PPP6R3: variants seen among roughly 807,000 people sequenced by gnomAD.
The protein encoded by PPP6R3 is serine/threonine-protein phosphatase 6 regulatory subunit 3.
In PPP6R3, 38 loss-of-function variants were observed where a neutral mutation model predicts 110.7. The ratio of observed to expected loss-of-function variants is 0.34; its 90% CI spans 0.26 to 0.45. The LOEUF is 0.45. Ranked by LOEUF, PPP6R3 falls within the 20% of genes least tolerant of loss-of-function variation. The pLI is 1.00. For missense variants in PPP6R3, 870 were observed against 1,062.4 expected (o/e 0.82, Z 2.52); for synonymous variants, 369 against 373.5 (o/e 0.99, Z 0.14).
Position 68,613,159 on chromosome 11 carries a change from C to G in PPP6R3, c.*42C>G. 1 of 1,612,456 alleles carries G rather than the reference C, an allele frequency of 6.2e-7. No individual in the cohort carries two copies. The highest frequency in any genetic ancestry group is 8.5e-7 in the Non-Finnish European group (1 of 1,179,422). On this transcript the variant is annotated 3_prime_UTR_variant, in exon 24 of 24. Transcript: ENST00000393800. ...CTGCTGACTGAGGACTGCAGACCGC[C>G]ACCACTCAGGGGCTCTGGAGGGGTC... is the stretch of plus-strand genomic sequence containing the variant.
rs535702050 is a variant in PPP6R3 at position 68,552,149 on chromosome 11, A to C, written c.618+963A>C. ...CGTATAAAATTGGCAGTAGTCATCC[A>C]TTTTTACCTACAGACATGATAGTTC... is the stretch of plus-strand genomic sequence containing the variant. On this transcript the variant is annotated intron_variant, in intron 6 of 23. Coordinates refer to ENST00000393800, the MANE Select transcript of PPP6R3 (RefSeq NM_001164161.2). Among the ~76,000 whole-genome samples, 5 of 151,774 alleles carry C rather than the reference A, an allele frequency of 3.3e-5. No individual in the cohort carries two copies. The South Asian group carries it at 1.0e-3, about 31-fold the overall frequency.
intron 1 of PPP6R3, among the ~76,000 whole-genome samples, chr11:68,498,493 C>T (rs1252567663): frequency 1.3e-5 from 2 of 152,220 alleles, no homozygotes; most frequent in Non-Finnish European, 2.9e-5. Context: ...CATCACATGT[C>T]TCCTTGTGTC....
intron 19 of PPP6R3, among the ~76,000 whole-genome samples, chr11:68,597,262 A>G (rs540491266): frequency 1.0e-3 from 156 of 152,300 alleles, no homozygotes; most frequent in African/African-American, 3.6e-3. Flanking sequence ...TTGTAGAGGC[A>G]GGTGGGTATG....
intron 12 of PPP6R3, among the ~76,000 whole-genome samples, chr11:68,571,972 C>G (rs1353500446): frequency 6.6e-6 from 1 of 151,998 alleles, no homozygotes; most frequent in Non-Finnish European, 1.5e-5. Flanking sequence ...TCCAGGAAAG[C>G]TAGATGACTC....
intron 1 of PPP6R3, among the ~76,000 whole-genome samples, chr11:68,481,961 G>A (rs1313467396): frequency 6.6e-6 from 1 of 152,102 alleles, no homozygotes; most frequent in Non-Finnish European, 1.5e-5. Context: ...TAGGAAGAGG[G>A]TCATTAAGGT....
At chr11:68,488,319 C>T (rs901567891) in intron 1 of PPP6R3, among the ~76,000 whole-genome samples, 1 of 152,018 alleles carries the variant, frequency 6.6e-6, no homozygotes, top group African/African-American at 2.4e-5. Context: ...AAGTGTGTGC[C>T]ACCACACCCA....
chr11:68,519,808 G>A (rs1381081287), intron 2 of PPP6R3, among the ~76,000 whole-genome samples, 157 bp downstream of exon 2: 2 of 152,136 alleles, frequency 1.3e-5, no homozygotes, highest in Non-Finnish European at 2.9e-5. Context: ...GTATTTTTAG[G>A]AAGTTAAATG....
chr11:68,511,789 G>A (rs2099112045), intron 1 of PPP6R3, among the ~76,000 whole-genome samples: 1 of 151,948 alleles, frequency 6.6e-6, no homozygotes. Context: ...CCGTGTGTGT[G>A]TGTGTGTGTG....
At chr11:68,523,985 G>A (rs965972024) in intron 2 of PPP6R3, among the ~76,000 whole-genome samples, 3 of 151,948 alleles carry the variant, frequency 2.0e-5, no homozygotes, top group African/African-American at 7.3e-5. Flanking sequence ...TTTTCTTACT[G>A]GAGCTCCATG....
chr11:68,490,417 T>C (rs1046577246), intron 1 of PPP6R3, among the ~76,000 whole-genome samples: 5 of 152,070 alleles, frequency 3.3e-5, no homozygotes, highest in African/African-American at 9.7e-5. Context: ...TGTTTTTTTT[T>C]GGTGGGGGGT....
At chr11:68,526,616 T>C (rs1467082383) in intron 2 of PPP6R3, among the ~76,000 whole-genome samples, 2 of 152,198 alleles carry the variant, frequency 1.3e-5, no homozygotes, top group Non-Finnish European at 2.9e-5. Context: ...CACGTGCATC[T>C]GGAACCAGCT....
chr11:68,488,662 C>T (rs1003140903), intron 1 of PPP6R3: 2 of 152,624 alleles, frequency 1.3e-5, no homozygotes, highest in African/African-American at 4.8e-5. Context: ...TGGCTGGACA[C>T]ATCAGGCATG....
intron 1 of PPP6R3, among the ~76,000 whole-genome samples, chr11:68,482,760 T>C (rs1182393520): frequency 6.6e-6 from 1 of 152,190 alleles, no homozygotes; most frequent in Admixed American, 6.5e-5. Flanking sequence ...CCAAATCCTT[T>C]TCCATCTTCT....
intron 16 of PPP6R3, among the ~76,000 whole-genome samples, chr11:68,589,223 C>CAATAAT (rs897584081): frequency 1.3e-5 from 2 of 151,804 alleles, no homozygotes; most frequent in African/African-American, 4.8e-5. Context: ...ATAACAATAA[C>CAATAAT]AATAATAATA....
intron 1 of PPP6R3, among the ~76,000 whole-genome samples, chr11:68,485,416 A>G (rs118102034): frequency 6.6e-5 from 10 of 152,114 alleles, no homozygotes; most frequent in Non-Finnish European, 1.3e-4. Flanking sequence ...CCAGTATGAT[A>G]TGATGGAAAA....
intron 21 of PPP6R3, 36 bp downstream of exon 21, chr11:68,602,005 A>C: frequency 2.6e-6 from 4 of 1,510,376 alleles, no homozygotes; most frequent in Non-Finnish European, 2.7e-6. Context: ...CGCCAGGGTC[A>C]CGTGGCTGCT....
At chr11:68,500,756 G>C (rs549703687) in intron 1 of PPP6R3, among the ~76,000 whole-genome samples, 1 of 152,214 alleles carries the variant, frequency 6.6e-6, no homozygotes, top group African/African-American at 2.4e-5. Context: ...GATTACAGGC[G>C]TGAGCCACTG....
chr11:68,542,398 T>TTGTTTTTTTTTTTTG (rs1346036684), intron 3 of PPP6R3, among the ~76,000 whole-genome samples: 1 of 111,746 alleles, frequency 8.9e-6, no homozygotes, highest in African/African-American at 3.5e-5. Context: ...TGTTTTTTTT[T>TTGTTTTTTTTTTTTG]TTTTTTTTTT....
chr11:68,524,641 C>G (rs1352641817), intron 2 of PPP6R3, among the ~76,000 whole-genome samples: 1 of 152,150 alleles, frequency 6.6e-6, no homozygotes, highest in Non-Finnish European at 1.5e-5. Context: ...GGCATTCTTC[C>G]TATCTTGTTT....
Sources: allele counts gnomAD v4.1 joint callset (sites outside exome capture counted in the v4.1 genomes callset), GRCh38; gene constraint gnomAD v4.1.1; transcripts MANE v1.5; gene names NCBI Gene and HGNC (gene_info 2026-07-23, HGNC 2026-07-21).